TRAPPC9: variants seen among roughly 807,000 people sequenced by gnomAD.
TRAPPC9 encodes the protein IKK2 binding protein.
In TRAPPC9, 83 loss-of-function variants were observed where a neutral mutation model predicts 124.0. The observed-to-expected ratio is 0.67, with a 90% CI of 0.56 to 0.80. The LOEUF (loss-of-function observed/expected upper bound fraction) is 0.80. Ranked by LOEUF, TRAPPC9 falls within the 30% of genes least tolerant of loss-of-function variation. The probability of loss-of-function intolerance (pLI) is 0.00; values close to 1 mark genes in which losing one functional copy is unlikely to be tolerated. For missense variants in TRAPPC9, 1,302 were observed against 1,508.3 expected, an observed-to-expected ratio of 0.86 and a Z score of 2.27; for synonymous variants, 638 against 617.5, an observed-to-expected ratio of 1.03 and a Z score of -0.49.
intron 17 of TRAPPC9, among the ~76,000 whole-genome samples, chr8:140,035,191 TA>T (rs963790027): frequency 9.8e-4 from 149 of 152,372 alleles, no homozygotes; most frequent in African/African-American, 3.5e-3. Flanking sequence ...TTATAAGCCA[TA>T]AGCAATTAGG....
At chr8:140,214,634 G>A (rs2063146598) in intron 17 of TRAPPC9, among the ~76,000 whole-genome samples, 1 of 152,176 alleles carries the variant, frequency 6.6e-6, no homozygotes, top group Non-Finnish European at 1.5e-5. Context: ...TTTTACAGAG[G>A]GGGATGCTGA....
chr8:139,880,886 C>T (rs868315867), intron 21 of TRAPPC9, among the ~76,000 whole-genome samples: 5 of 152,230 alleles, frequency 3.3e-5, no homozygotes, highest in East Asian at 1.9e-4. Flanking sequence ...GTGCCGCCAG[C>T]GACTAAAAGC....
intron 19 of TRAPPC9, among the ~76,000 whole-genome samples, chr8:139,976,053 G>T (rs542292788): frequency 6.9e-6 from 1 of 144,974 alleles, no homozygotes; most frequent in African/African-American, 2.5e-5. Flanking sequence ...CACCTCGCCC[G>T]GCTAATTTTT....
chr8:140,238,859 C>A (rs1024871784), intron 16 of TRAPPC9, among the ~76,000 whole-genome samples: 2 of 152,144 alleles, frequency 1.3e-5, no homozygotes, highest in African/African-American at 4.8e-5. Flanking sequence ...GAGAGAGGCC[C>A]CTGCAGGGGA....
intron 21 of TRAPPC9, among the ~76,000 whole-genome samples, chr8:139,790,057 C>G (rs888026496): frequency 6.6e-6 from 1 of 152,216 alleles, no homozygotes; most frequent in Non-Finnish European, 1.5e-5. Context: ...CGCGTCGCTG[C>G]TGAGCGGGAA....
At chr8:139,861,146 T>A (rs923906484) in intron 21 of TRAPPC9, among the ~76,000 whole-genome samples, 1 of 152,268 alleles carries the variant, frequency 6.6e-6, no homozygotes, top group Admixed American at 6.5e-5. Flanking sequence ...AAATGTAATT[T>A]TCTCAGCAAG....
At chr8:140,170,206 A>G (rs538233052) in intron 17 of TRAPPC9, among the ~76,000 whole-genome samples, 5 of 152,306 alleles carry the variant, frequency 3.3e-5, no homozygotes, top group South Asian at 2.1e-4. Flanking sequence ...GAGTTGCTGT[A>G]TGACCATGTC....
chr8:140,109,603 G>A (rs1396361738), intron 17 of TRAPPC9, among the ~76,000 whole-genome samples: 4 of 152,154 alleles, frequency 2.6e-5, no homozygotes, highest in Non-Finnish European at 5.9e-5. Flanking sequence ...AAATATATAT[G>A]AGTGTAATCT....
At chr8:140,193,023 C>A (rs554796432) in intron 17 of TRAPPC9, among the ~76,000 whole-genome samples, 1 of 152,216 alleles carries the variant, frequency 6.6e-6, no homozygotes, top group South Asian at 2.1e-4. Flanking sequence ...CCGCCCGCCT[C>A]GGCCTCCTAA....
At chr8:140,364,341 T>C (rs2068045838) in intron 8 of TRAPPC9, among the ~76,000 whole-genome samples, 1 of 149,142 alleles carries the variant, frequency 6.7e-6, no homozygotes. Context: ...AAATCTTGCC[T>C]GAAGTCTCTC....
intron 21 of TRAPPC9, among the ~76,000 whole-genome samples, chr8:139,794,124 G>T (rs1018310965): frequency 6.6e-6 from 1 of 151,638 alleles, no homozygotes; most frequent in Non-Finnish European, 1.5e-5. Context: ...TCTGAGCGTC[G>T]CTGGGCAGAC....
At chr8:140,117,971 G>T (rs949538572) in intron 17 of TRAPPC9, among the ~76,000 whole-genome samples, 1 of 152,194 alleles carries the variant, frequency 6.6e-6, no homozygotes, top group African/African-American at 2.4e-5. Context: ...TCTCATGACT[G>T]AACTATACCA....
rs1366017402 is a variant in TRAPPC9, at chr8:139,729,322, T to C, written c.*1739A>G. Reference sequence around the variant, plus strand: ...TGTTGTTTCATTCAATGGCGTATTTTTGGGCTCTGTTGAGGTTGACACACA... The same window carrying C: ...TGTTGTTTCATTCAATGGCGTATTTCTGGGCTCTGTTGAGGTTGACACACA... On this transcript the variant is annotated 3_prime_UTR_variant, in exon 23 of 23. Coordinates refer to ENST00000438773, the MANE Select transcript of TRAPPC9 (RefSeq NM_001160372.4). Among the ~76,000 whole-genome samples, 1 of 152,272 alleles carries C rather than the reference T, an allele frequency of 6.6e-6. No individual in the cohort carries two copies. Among genetic ancestry groups the C allele is most frequent in the Admixed American group, 6.5e-5 (1 of 15,292 alleles).
rs1840663082 is a variant in TRAPPC9 at position 140,033,667 on chromosome 8, T to TTTTTTTTTTG, written c.2557-9589_2557-9588insCAAAAAAAAA. ...AACTCTTCATAATGTGGTTTTTTTT[T>TTTTTTTTTTG]TTTTTTTTTTTTTTTTTTTTTTTTT... On this transcript the variant is annotated intron_variant, in intron 17 of 22. Transcript: ENST00000438773. Among the ~76,000 whole-genome samples the TTTTTTTTTTG allele has an allele frequency of 3.2e-4, 22 of 68,506 alleles. 3 individuals are homozygous for TTTTTTTTTTG. Among genetic ancestry groups the TTTTTTTTTTG allele is most frequent in the South Asian group, 5.1e-4 (1 of 1,958 alleles). 44.9% of individuals were successfully genotyped at this position (68,506 alleles called of 152,430 possible).
Position 140,278,319 on chromosome 8 carries a change from C to T in TRAPPC9, c.2115-2498G>A, listed in dbSNP as rs569397460. 2.6e-5 allele frequency among the ~76,000 whole-genome samples: 4 copies of T among 152,178 alleles called. No homozygotes were observed. The South Asian group carries it at 6.2e-4, about 24-fold the overall frequency. The stretch of plus-strand genomic sequence containing the variant: ...TGGGATTTGGCCATGTTGGCCAGGC[C>T]GGTCTCGAACTCCTGACCTCAGGTG... On this transcript the variant is annotated intron_variant, in intron 14 of 22. Transcript: ENST00000438773.
chr8:140,365,975 A>G (rs2068096650), intron 8 of TRAPPC9, among the ~76,000 whole-genome samples: 1 of 152,152 alleles, frequency 6.6e-6, no homozygotes, highest in African/African-American at 2.4e-5. Context: ...CTATGTGGCC[A>G]TGTGTTCTCA....
In TRAPPC9 at chr8:140,117,803, TGA is replaced by T. The variant is rs1288277432; in HGVS notation, c.2557-93726_2557-93725del. On this transcript the variant is annotated intron_variant, in intron 17 of 22. Transcript: ENST00000438773. ...ACTCACTGAGCAGCAAAAGTAAGCT[TGA>T]TGTTTTTTTCTCTTAAAGAGAATTT... 8.7e-4 allele frequency among the ~76,000 whole-genome samples: 132 copies of T among 152,336 alleles called. 1 individual carries two copies. The highest frequency in any genetic ancestry group is 1.6e-3 in the Non-Finnish European group (110 of 68,030).
rs1563788568 is a variant in TRAPPC9 at position 139,755,530 on chromosome 8, AGGGTTTG to A, written c.3056-23335_3056-23329del. 2.1e-3 allele frequency among the ~76,000 whole-genome samples: 300 copies of A among 142,922 alleles called. 6 individuals carry two copies. Among genetic ancestry groups the A allele is most frequent in the African/African-American group, 7.3e-3 (274 of 37,540 alleles). 93.8% of individuals were successfully genotyped at this position (142,922 alleles called of 152,430 possible). A position where few individuals can be genotyped will look rare whatever the true frequency, so the allele number is the denominator to read the frequency against. ...AGGACAGCAGGTCGCAGGAGGAGCC[AGGGTTTG>A]GGGATGAGGACAGCAGGTCGCAGGA... is the stretch of plus-strand genomic sequence containing the variant. On this transcript the variant is annotated intron_variant, in intron 21 of 22. Transcript: ENST00000438773.
intron 17 of TRAPPC9, among the ~76,000 whole-genome samples, chr8:140,092,532 G>A (rs1034712280): frequency 6.6e-6 from 1 of 152,064 alleles, no homozygotes. Flanking sequence ...ATATCATTTT[G>A]TTTTCCAAGT....
Sources: gnomAD v4.1 joint callset for allele counts (sites outside exome capture counted in the v4.1 genomes callset) on GRCh38, gnomAD v4.1.1 for gene constraint, MANE v1.5 for transcripts, NCBI Gene and HGNC (gene_info 2026-07-23, HGNC 2026-07-21) for gene names.